Variants in SYNJ1 observed in about 807,000 individuals in gnomAD.
SYNJ1 encodes synaptojanin 1.
A neutral mutation model predicts 168.2 loss-of-function variants in SYNJ1; 78 were observed. The ratio of observed to expected loss-of-function variants is 0.46; its 90% CI spans 0.39 to 0.56. The LOEUF is 0.56. SYNJ1 is among the 20% of genes least tolerant of loss of function. The pLI is 0.00. For missense variants in SYNJ1, 1,303 were observed against 1,597.6 expected, an observed-to-expected ratio of 0.82 and a Z score of 3.14; for synonymous variants, 539 against 548.6, an observed-to-expected ratio of 0.98 and a Z score of 0.24.
Position 32,631,585 on chromosome 21 carries a change from G to T in SYNJ1, c.*220C>A, listed in dbSNP as rs1198934007. On this transcript the variant is annotated 3_prime_UTR_variant, in exon 33 of 33. Coordinates refer to ENST00000674351, the MANE Select transcript of SYNJ1 (RefSeq NM_203446.3). ...TGGGATTGACTCCGAGCTGGAATTG[G>T]AGGCATTGTTGGCATGCAACTTACA... 6.2e-7 allele frequency: 1 copy of T among 1,613,222 alleles called. No individual in the cohort carries two copies. Among genetic ancestry groups the T allele is most frequent in the Non-Finnish European group, 8.5e-7 (1 of 1,179,982 alleles).
At chr21:32,672,559 C>A (rs1422807231) in intron 14 of SYNJ1, among the ~76,000 whole-genome samples, 1 of 152,100 alleles carries the variant, frequency 6.6e-6, no homozygotes, top group Non-Finnish European at 1.5e-5. Context: ...AGGCTGATCT[C>A]AAACTCCTGT....
intron 4 of SYNJ1, among the ~76,000 whole-genome samples, chr21:32,696,132 G>A (rs778838226): frequency 7.9e-5 from 12 of 152,246 alleles, no homozygotes; most frequent in African/African-American, 2.6e-4. Context: ...GATTACAGGC[G>A]TGAGCCACCG....
chr21:32,728,043 C>T, upstream of SYNJ1: 3 of 1,530,002 alleles, frequency 2.0e-6, no homozygotes, highest in Non-Finnish European at 2.6e-6. Context: ...TTCCGCATTG[C>T]GCCGCGGCCG....
intron 30 of SYNJ1, 111 bp from the exon 31 acceptor site, chr21:32,639,236 T>C (rs1370138488): frequency 1.0e-6 from 1 of 974,736 alleles, no homozygotes; most frequent in Non-Finnish European, 1.5e-6. Context: ...CCCCAATAAG[T>C]AGCCTCATTT....
chr21:32,657,208 G>T, intron 19 of SYNJ1, 88 bp from the exon 20 acceptor site: 1 of 869,594 alleles, frequency 1.1e-6, no homozygotes, highest in East Asian at 2.5e-5. Context: ...TTCCTTTCAT[G>T]AGCTTCAGTG....
chr21:32,640,455 G>A (rs955751956), intron 29 of SYNJ1, among the ~76,000 whole-genome samples: 15 of 151,614 alleles, frequency 9.9e-5, no homozygotes, highest in South Asian at 4.2e-4. Flanking sequence ...GCCACCACAC[G>A]CGGCTAATTT....
chr21:32,728,324 G>T (rs995868153), upstream of SYNJ1: 7 of 368,882 alleles, frequency 1.9e-5, no homozygotes, highest in Admixed American at 3.4e-4. Context: ...AGCTTGGGGG[G>T]CTGCGTATTG....
chr21:32,686,620 T>C (rs2041846448), intron 8 of SYNJ1, among the ~76,000 whole-genome samples: 1 of 152,206 alleles, frequency 6.6e-6, no homozygotes, highest in South Asian at 2.1e-4. Flanking sequence ...ACAATGACTA[T>C]GGTTCTAGGA....
intron 11 of SYNJ1, among the ~76,000 whole-genome samples, chr21:32,680,469 A>G (rs1416602201): frequency 6.6e-6 from 1 of 152,204 alleles, no homozygotes; most frequent in Non-Finnish European, 1.5e-5. Context: ...GTTAAACAAT[A>G]TTTAAGAATA....
intron 12 of SYNJ1, 139 bp downstream of exon 12, chr21:32,678,506 G>A (rs2146023270): frequency 1.1e-6 from 1 of 874,134 alleles, no homozygotes; most frequent in South Asian, 2.2e-5. Context: ...CTTGGAGAAT[G>A]TACTTTTCAA....
chr21:32,648,189 C>T (rs1468731550), intron 23 of SYNJ1, among the ~76,000 whole-genome samples: 3 of 152,188 alleles, frequency 2.0e-5, no homozygotes, highest in African/African-American at 7.2e-5. Context: ...CTCTACTTTT[C>T]CATTAGCACT....
chr21:32,723,816 A>G (rs963328900), intron 2 of SYNJ1, among the ~76,000 whole-genome samples: 20 of 151,924 alleles, frequency 1.3e-4, no homozygotes, highest in African/African-American at 4.8e-4. Flanking sequence ...GTGACAGAAC[A>G]AGACCATGTC....
intron 7 of SYNJ1, among the ~76,000 whole-genome samples, chr21:32,687,559 C>T (rs532136503): frequency 6.6e-6 from 1 of 152,328 alleles, no homozygotes; most frequent in South Asian, 2.1e-4. Flanking sequence ...AGCAATGCCA[C>T]ACAAAGAAAT....
chr21:32,647,678 A>G (rs1025248424), intron 23 of SYNJ1, among the ~76,000 whole-genome samples: 6 of 151,868 alleles, frequency 4.0e-5, no homozygotes, highest in South Asian at 4.2e-4. Context: ...ACATTACCCT[A>G]CTTCACTCTT....
chr21:32,639,581 T>C, intron 30 of SYNJ1, 90 bp downstream of exon 30: 1 of 979,792 alleles, frequency 1.0e-6, no homozygotes, highest in Non-Finnish European at 1.5e-6. Context: ...TTAATTTTTT[T>C]ACAGGCGGGT....
intron 4 of SYNJ1, among the ~76,000 whole-genome samples, chr21:32,698,965 T>C (rs2042303921): frequency 6.6e-6 from 1 of 152,228 alleles, no homozygotes; most frequent in African/African-American, 2.4e-5. Context: ...ACAACTATTT[T>C]AAATGTATTT....
rs1223091272 is a variant in SYNJ1, at chr21:32,628,824, T to C, written c.*2981A>G. On this transcript the variant is annotated 3_prime_UTR_variant, in exon 33 of 33. Coordinates refer to ENST00000674351, the MANE Select transcript of SYNJ1 (RefSeq NM_203446.3). ...TTTCACAGGATATGTACAGAATGTC[T>C]GTGTACCACTGACTTTAATACTGTA... 1 of 152,660 alleles carries C rather than the reference T, an allele frequency of 6.6e-6. No homozygotes were observed. Among genetic ancestry groups the C allele is most frequent in the East Asian group, 1.9e-4 (1 of 5,204 alleles). 9.5% of individuals were successfully genotyped at this position (152,660 alleles called of 1,614,324 possible). A position where few individuals can be genotyped will look rare whatever the true frequency, so the allele number is the denominator to read the frequency against.
chr21:32,639,022 C>T lies in SYNJ1; in HGVS notation c.3801G>A (p.Val1267=). 1.2e-6 allele frequency: 2 copies of T among 1,614,036 alleles called. No individual in the cohort carries two copies. The highest frequency in any genetic ancestry group is 2.2e-5 in the East Asian group (1 of 44,878). ...AQRLQEPLVP[V]AAPMPQSGPQ... is the part of the protein sequence containing the mutation. ...GGCCAGACTGAGGCATAGGTGCTGC[C>T]ACAGGGACAAGAGGCTCTTGCAACC... Residue 1267 remains valine, a synonymous_variant, in exon 31 of 33, where the codon GTG becomes GTA. Coordinates refer to ENST00000674351, the MANE Select transcript of SYNJ1 (RefSeq NM_203446.3).
chr21:32,640,117 C>A (rs1048277787), intron 29 of SYNJ1, among the ~76,000 whole-genome samples: 2 of 152,078 alleles, frequency 1.3e-5, no homozygotes. Context: ...CAAAGCCACA[C>A]AGAAAGCAGA....
Sources: gnomAD v4.1 joint callset for allele counts (sites outside exome capture counted in the v4.1 genomes callset) on GRCh38, gnomAD v4.1.1 for gene constraint, MANE v1.5 for transcripts, NCBI Gene and HGNC (gene_info 2026-07-23, HGNC 2026-07-21) for gene names.